GOLM1: variants seen among roughly 807,000 people sequenced by gnomAD.
GOLM1 encodes the protein golgi membrane protein 1.
A neutral mutation model predicts 50.5 loss-of-function variants in GOLM1; 31 were observed. That is an observed-to-expected ratio of 0.61 (90% CI 0.46 to 0.83). The LOEUF (loss-of-function observed/expected upper bound fraction) is 0.83, where lower values mean the gene tolerates loss of function less well. Among genes scored for constraint, GOLM1 ranks in the 40% least tolerant of loss-of-function variants. The pLI is 0.00. For missense variants in GOLM1, 491 were observed against 501.3 expected (o/e 0.98, Z 0.20); for synonymous variants, 178 against 192.8 (o/e 0.92, Z 0.64).
chr9:86,059,793 G>A (rs925961761), intron 3 of GOLM1, among the ~76,000 whole-genome samples: 1 of 151,420 alleles, frequency 6.6e-6, no homozygotes, highest in South Asian at 2.1e-4. Context: ...CCAGCTACTC[G>A]GGAGGCTGAG....
chr9:86,069,559 C>T (rs560815477), intron 3 of GOLM1, among the ~76,000 whole-genome samples: 33 of 152,318 alleles, frequency 2.2e-4, no homozygotes, highest in African/African-American at 6.7e-4. Context: ...TTCAGATTAA[C>T]GAGACATAAT....
chr9:86,073,341 T>C (rs919132920), intron 3 of GOLM1, among the ~76,000 whole-genome samples: 2 of 152,214 alleles, frequency 1.3e-5, no homozygotes, highest in South Asian at 4.1e-4. Context: ...ATATTTTTAA[T>C]CTGTATTTTG....
intron 9 of GOLM1, among the ~76,000 whole-genome samples, 197 bp from the exon 10 acceptor site, chr9:86,028,090 C>T (rs1832842223): frequency 6.6e-6 from 1 of 151,884 alleles, no homozygotes; most frequent in African/African-American, 2.4e-5. Flanking sequence ...CAGGGAAGTG[C>T]TGGGTAGAGA....
intron 4 of GOLM1, 74 bp from the exon 5 acceptor site, chr9:86,046,646 G>T: frequency 1.2e-6 from 1 of 852,148 alleles, no homozygotes; most frequent in Non-Finnish European, 2.0e-6. Context: ...ATATGACAGA[G>T]GCAGACTCAC....
chr9:86,044,717 G>A (rs189691764), intron 5 of GOLM1, among the ~76,000 whole-genome samples: 1 of 151,926 alleles, frequency 6.6e-6, no homozygotes, highest in Non-Finnish European at 1.5e-5. Flanking sequence ...TTTGAGAGGC[G>A]AAGACGAGCA....
chr9:86,084,061 A>C (rs1243729151), intron 1 of GOLM1, among the ~76,000 whole-genome samples: 1 of 152,208 alleles, frequency 6.6e-6, no homozygotes, highest in African/African-American at 2.4e-5. Flanking sequence ...AAAAGTCCTG[A>C]GTTCCAAACC....
chr9:86,035,692 A>G, intron 7 of GOLM1, 67 bp from the exon 8 acceptor site: 1 of 1,254,424 alleles, frequency 8.0e-7, no homozygotes, highest in South Asian at 1.4e-5. Flanking sequence ...AAAAAAAAAA[A>G]AGCAAAACCT....
chr9:86,079,454 G>A lies in GOLM1; in HGVS notation c.-21-113C>T, dbSNP rs975711047. 3.8e-6 allele frequency: 3 copies of A among 794,388 alleles called. No homozygotes were observed. In the African/African-American group the frequency reaches 5.2e-5, roughly 14 times the overall value. 49.2% of individuals were successfully genotyped at this position (794,388 alleles called of 1,614,324 possible). On this transcript the variant is annotated intron_variant, in intron 1 of 9. Transcript: ENST00000388712. ...GGAGTCTTGCCAAGAAGCGTGGGCT[G>A]GTAGCTTCTCCTTGACGTGCAAAGC...
intron 3 of GOLM1, among the ~76,000 whole-genome samples, chr9:86,071,148 A>AT: frequency 6.6e-6 from 1 of 151,834 alleles, no homozygotes; most frequent in Middle Eastern, 3.4e-3. Flanking sequence ...CCTAGGCTGG[A>AT]GCACAGTGGT....
At chr9:86,061,995 C>T (rs933286632) in intron 3 of GOLM1, among the ~76,000 whole-genome samples, 1 of 152,114 alleles carries the variant, frequency 6.6e-6, no homozygotes, top group Non-Finnish European at 1.5e-5. Flanking sequence ...GGAAGGGCGT[C>T]GGGAGATTAA....
In GOLM1 at chr9:86,027,616, A is replaced by G; in HGVS notation, c.*201T>C. ...CAAAAATTGTGACACCTTATTAGAC[A>G]CTTCCAAAGTACCCCCCAAAAGCTG... is the stretch of plus-strand genomic sequence containing the variant. On this transcript the variant is annotated 3_prime_UTR_variant, in exon 10 of 10. Coordinates refer to ENST00000388712, the MANE Select transcript of GOLM1 (RefSeq NM_016548.4). 2 of 1,353,024 alleles carry G rather than the reference A, an allele frequency of 1.5e-6. No homozygotes were observed. Among genetic ancestry groups the G allele is most frequent in the South Asian group, 1.9e-5 (1 of 51,530 alleles). The allele number at this position is 1,353,024 out of a possible 1,614,324, so 83.8% of individuals were successfully genotyped here.
At chr9:86,065,885 C>T (rs984407751) in intron 3 of GOLM1, among the ~76,000 whole-genome samples, 2 of 151,952 alleles carry the variant, frequency 1.3e-5, no homozygotes, top group South Asian at 2.1e-4. Flanking sequence ...ACTAAAAATA[C>T]AAAAATAAGC....
chr9:86,050,597 G>T (rs866403918), intron 4 of GOLM1, among the ~76,000 whole-genome samples: 16 of 152,286 alleles, frequency 1.1e-4, no homozygotes, highest in South Asian at 2.1e-4. Context: ...TTGGGAGGGT[G>T]TATGTGTCCA....
At chr9:86,069,148 T>TA (rs1273811450) in intron 3 of GOLM1, among the ~76,000 whole-genome samples, 2 of 151,882 alleles carry the variant, frequency 1.3e-5, no homozygotes, top group South Asian at 2.1e-4. Flanking sequence ...TTTTTTTTTT[T>TA]AAAGAAAGGG....
chr9:86,085,453 G>GTTTTTTT (rs11397922), intron 1 of GOLM1, among the ~76,000 whole-genome samples: 10 of 93,156 alleles, frequency 1.1e-4, no homozygotes, highest in Non-Finnish European at 1.8e-4. Flanking sequence ...CAAAGTTTTT[G>GTTTTTTT]TTTTTTTTTT....
intron 1 of GOLM1, among the ~76,000 whole-genome samples, chr9:86,085,816 T>C (rs1477311739): frequency 6.6e-6 from 1 of 152,100 alleles, no homozygotes; most frequent in Non-Finnish European, 1.5e-5. Context: ...ATGAACTCAT[T>C]TATGGCTGCA....
chr9:86,059,657 G>A (rs565951889), intron 3 of GOLM1, among the ~76,000 whole-genome samples: 8 of 152,198 alleles, frequency 5.3e-5, no homozygotes, highest in African/African-American at 1.7e-4. Flanking sequence ...CACTTTGGGA[G>A]GCCGAGGTGG....
chr9:86,067,608 T>G (rs765383262), intron 3 of GOLM1, among the ~76,000 whole-genome samples: 8 of 152,186 alleles, frequency 5.3e-5, no homozygotes, highest in Non-Finnish European at 8.8e-5. Flanking sequence ...CACACTCATT[T>G]CCAAGGCAAG....
chr9:86,069,754 G>A (rs1224261996), intron 3 of GOLM1, among the ~76,000 whole-genome samples: 1 of 152,074 alleles, frequency 6.6e-6, no homozygotes, highest in Non-Finnish European at 1.5e-5. Context: ...TCTTTATCTC[G>A]CAACACTCTT....
Sources: gnomAD v4.1 joint callset for allele counts (sites outside exome capture counted in the v4.1 genomes callset) on GRCh38, gnomAD v4.1.1 for gene constraint, MANE v1.5 for transcripts, NCBI Gene and HGNC (gene_info 2026-07-23, HGNC 2026-07-21) for gene names.